The following PJA2 variants were observed in gnomAD, a reference collection of about 807,000 sequenced individuals.
PJA2 encodes the protein praja ring finger ubiquitin ligase 2.
Under a neutral mutation model 69.3 loss-of-function variants are expected in PJA2, and 25 were observed. The observed-to-expected ratio is 0.36, with a 90% confidence interval of 0.26 to 0.50. The LOEUF is 0.50. Among genes scored for constraint, PJA2 ranks in the 20% least tolerant of loss-of-function variants. The pLI is 0.96. For synonymous variants in PJA2, 308 were observed against 277.8 expected (o/e 1.11, Z -1.08); for missense variants, 809 against 830.2 (o/e 0.97, Z 0.31).
At chr5:109,373,002 G>A (rs1054582093) in intron 4 of PJA2, among the ~76,000 whole-genome samples, 7 of 151,646 alleles carry the variant, frequency 4.6e-5, no homozygotes, top group Non-Finnish European at 1.0e-4. Flanking sequence ...GCTGAGGCAG[G>A]AGAATTGCTT....
At position 109,409,864 on chromosome 5, in the gene PJA2, G is replaced by C. The variant is rs1747792219; in HGVS notation, c.-110C>G. The C allele has an allele frequency of 6.4e-6, 1 of 156,286 alleles. No individual in the cohort carries two copies. Among genetic ancestry groups the C allele is most frequent in the Non-Finnish European group, 1.4e-5 (1 of 71,716 alleles). 9.7% of individuals were successfully genotyped at this position (156,286 alleles called of 1,614,324 possible). On this transcript the variant is annotated 5_prime_UTR_variant, in exon 1 of 10. Coordinates refer to ENST00000361189, the MANE Select transcript of PJA2 (RefSeq NM_014819.5). ...CACCGAAATGTGCAGCGGCTCCGGA[G>C]CGAGAACAGCGCTCGAACCTCCACC... is the stretch of plus-strand genomic sequence containing the variant.
At chr5:109,390,342 C>G (rs940818621) in intron 1 of PJA2, among the ~76,000 whole-genome samples, 1 of 151,282 alleles carries the variant, frequency 6.6e-6, no homozygotes, top group Non-Finnish European at 1.5e-5. Flanking sequence ...TTTTTTTTCT[C>G]TTATCTCTCA....
chr5:109,406,212 TTG>T (rs1295527335), intron 1 of PJA2, among the ~76,000 whole-genome samples: 1 of 152,118 alleles, frequency 6.6e-6, no homozygotes, highest in African/African-American at 2.4e-5. Context: ...GGCTAATTTT[TTG>T]TATTTTTAGT....
intron 7 of PJA2, among the ~76,000 whole-genome samples, chr5:109,350,689 C>T (rs1205525435): frequency 1.3e-5 from 2 of 152,238 alleles, no homozygotes; most frequent in East Asian, 1.9e-4. Flanking sequence ...TAAATGAAGA[C>T]GCTAAAGCTC....
At chr5:109,399,747 T>C (rs1747497777) in intron 1 of PJA2, among the ~76,000 whole-genome samples, 1 of 152,136 alleles carries the variant, frequency 6.6e-6, no homozygotes, top group African/African-American at 2.4e-5. Context: ...GAAAAAACCC[T>C]CTTTATCAAG....
intron 7 of PJA2, among the ~76,000 whole-genome samples, chr5:109,354,221 C>A (rs866508854): frequency 6.8e-6 from 1 of 147,096 alleles, no homozygotes; most frequent in South Asian, 2.2e-4. Context: ...GATTAGATAT[C>A]TATGATGTCT....
In PJA2 at chr5:109,335,607, A is replaced by G. The variant is rs974985852; in HGVS notation, c.*1624T>C. 6.6e-6 allele frequency: 1 copy of G among 152,174 alleles called. No homozygotes were observed. Among genetic ancestry groups the G allele is most frequent in the African/African-American group, 2.4e-5 (1 of 41,454 alleles). The allele number at this position is 152,174 out of a possible 1,614,324, so 9.4% of individuals were successfully genotyped here. ...ATCACACTAGCCACAAATTTCCACC[A>G]TATACACATGAAATTAATTTTAATC... is the stretch of plus-strand genomic sequence containing the variant. On this transcript the variant is annotated 3_prime_UTR_variant, in exon 10 of 10. Transcript: ENST00000361189.
intron 7 of PJA2, among the ~76,000 whole-genome samples, chr5:109,350,262 C>T (rs1198307821): frequency 6.6e-6 from 1 of 151,436 alleles, no homozygotes; most frequent in Non-Finnish European, 1.5e-5. Flanking sequence ...GCCTTTTAAG[C>T]CACTAGTATG....
rs775916661 is a variant in PJA2, at chr5:109,409,959, CGGCGGCGGCGGCGGT to C, written c.-220_-206del. The C allele has an allele frequency of 2.4e-5, 5 of 206,232 alleles. No homozygotes were observed. In the Admixed American group the frequency reaches 2.5e-4, roughly 10 times the overall value. 12.8% of individuals were successfully genotyped at this position (206,232 alleles called of 1,614,324 possible). A position where few individuals can be genotyped will look rare whatever the true frequency, so the allele number is the denominator to read the frequency against. Reference sequence around the variant, plus strand: ...AACGCGAAGCGGCTGGCGGCTGTGGCGGCGGCGGCGGCGGTGGCGGCGGCGGAAGCAGAGGCGGTG... The same window carrying C: ...AACGCGAAGCGGCTGGCGGCTGTGGCGGCGGCGGCGGAAGCAGAGGCGGTG... On this transcript the variant is annotated 5_prime_UTR_variant, in exon 1 of 10. Transcript: ENST00000361189.
intron 9 of PJA2, among the ~76,000 whole-genome samples, chr5:109,338,734 A>T (rs1485929942): frequency 6.6e-6 from 1 of 152,186 alleles, no homozygotes; most frequent in Non-Finnish European, 1.5e-5. Flanking sequence ...TTAGAGTCAA[A>T]TAGATGAGTG....
chr5:109,374,615 A>C (rs113003947), intron 4 of PJA2, among the ~76,000 whole-genome samples: 97 of 152,352 alleles, frequency 6.4e-4, no homozygotes, highest in African/African-American at 1.9e-3. Context: ...TTAATATATC[A>C]TATTGAAGTC....
chr5:109,356,396 G>GTACATCA (rs1422719960), intron 6 of PJA2, among the ~76,000 whole-genome samples: 2 of 152,082 alleles, frequency 1.3e-5, no homozygotes, highest in African/African-American at 4.8e-5. Flanking sequence ...TATTTCCTTT[G>GTACATCA]TACATCATAC....
chr5:109,395,689 T>C (rs1433439308), intron 1 of PJA2, among the ~76,000 whole-genome samples: 1 of 152,072 alleles, frequency 6.6e-6, no homozygotes, highest in Non-Finnish European at 1.5e-5. Flanking sequence ...ATGTAGCTCA[T>C]TTTAAGAGCA....
At chr5:109,389,772 T>G (rs1336967264) in intron 1 of PJA2, among the ~76,000 whole-genome samples, 1 of 152,028 alleles carries the variant, frequency 6.6e-6, no homozygotes, top group Non-Finnish European at 1.5e-5. Context: ...TCAGCTGTAT[T>G]CCAAAAGTTC....
chr5:109,390,118 C>G (rs1249504707), intron 1 of PJA2, among the ~76,000 whole-genome samples: 1 of 151,932 alleles, frequency 6.6e-6, no homozygotes, highest in African/African-American at 2.4e-5. Flanking sequence ...ATTAATCATA[C>G]CATTCAAATT....
At chr5:109,341,034 A>G (rs373101568) in intron 9 of PJA2, among the ~76,000 whole-genome samples, 26 of 143,726 alleles carry the variant, frequency 1.8e-4, no homozygotes, top group African/African-American at 5.3e-4. Flanking sequence ...CCAAAGTGCC[A>G]AGATTGCAGC....
intron 9 of PJA2, among the ~76,000 whole-genome samples, chr5:109,342,189 A>G (rs1582580438): frequency 1.6e-5 from 1 of 61,676 alleles, no homozygotes; most frequent in Admixed American, 1.7e-4. Context: ...CCCGTCCGGG[A>G]GGGAGGTGGG....
Position 109,353,438 on chromosome 5 carries a change from A to ATC in PJA2, c.1764+2476_1764+2477insGA, listed in dbSNP as rs199703872. 2.6e-3 allele frequency among the ~76,000 whole-genome samples: 105 copies of ATC among 40,720 alleles called. 4 individuals are homozygous for ATC. The highest frequency in any genetic ancestry group is 3.2e-3 in the African/African-American group (56 of 17,452). 26.7% of individuals were successfully genotyped at this position (40,720 alleles called of 152,430 possible). A position where few individuals can be genotyped will look rare whatever the true frequency, so the allele number is the denominator to read the frequency against. ...AGACATCTATATATTAGATACCTAT[A>ATC]TATAGATATCTATATATTAGATACC... On this transcript the variant is annotated intron_variant, in intron 7 of 9. Coordinates refer to ENST00000361189, the MANE Select transcript of PJA2 (RefSeq NM_014819.5).
chr5:109,395,010 T>A (rs1230523163), intron 1 of PJA2, among the ~76,000 whole-genome samples: 2 of 152,186 alleles, frequency 1.3e-5, no homozygotes, highest in East Asian at 3.8e-4. Context: ...ACTATCTGTA[T>A]GAGCCAACAA....
Sources: gnomAD v4.1 joint callset for allele counts (sites outside exome capture counted in the v4.1 genomes callset) on GRCh38, gnomAD v4.1.1 for gene constraint, MANE v1.5 for transcripts, NCBI Gene and HGNC (gene_info 2026-07-23, HGNC 2026-07-21) for gene names.